The following MAN2B1 variants were observed in gnomAD, a reference collection of about 807,000 sequenced individuals.
The protein encoded by MAN2B1 is mannosidase alpha class 2B member 1.
A neutral mutation model predicts 127.5 loss-of-function variants in MAN2B1; 99 were observed. The ratio of observed to expected loss-of-function variants is 0.78; its 90% CI spans 0.66 to 0.92. The LOEUF is 0.92. Ranked by LOEUF, MAN2B1 falls within the 40% of genes least tolerant of loss-of-function variation. MAN2B1 has a pLI of 0.00. For missense variants in MAN2B1, 1,304 were observed against 1,384.8 expected, an observed-to-expected ratio of 0.94 and a Z score of 0.93; for synonymous variants, 573 against 568.8, an observed-to-expected ratio of 1.01 and a Z score of -0.11.
intron 7 of MAN2B1, 32 bp downstream of exon 7, chr19:12,661,228 G>A: frequency 6.7e-7 from 1 of 1,499,684 alleles, no homozygotes; most frequent in Non-Finnish European, 9.3e-7. Flanking sequence ...GCGCACATGT[G>A]CACAAGGGTA....
chr19:12,646,546 C>A lies in MAN2B1; in HGVS notation c.*74G>T, dbSNP rs1041710709. ...GTAGTAGCGTTTTAATGGCAGCAGC[C>A]CCAAGAGGAGAGTCAGAGTCTGGTC... On this transcript the variant is annotated 3_prime_UTR_variant, in exon 24 of 24. Coordinates refer to ENST00000456935, the MANE Select transcript of MAN2B1 (RefSeq NM_000528.4). The A allele has an allele frequency of 1.1e-5, 13 of 1,147,492 alleles. No individual in the cohort carries two copies. Among genetic ancestry groups the A allele is most frequent in the Non-Finnish European group, 1.6e-5 (12 of 758,238 alleles). 71.1% of individuals were successfully genotyped at this position (1,147,492 alleles called of 1,614,324 possible).
chr19:12,663,911 G>C, intron 4 of MAN2B1, 76 bp from the exon 5 acceptor site: 1 of 1,591,610 alleles, frequency 6.3e-7, no homozygotes, highest in Non-Finnish European at 8.6e-7. Context: ...CTGCTTGGGA[G>C]GGGCAGGTCA....
chr19:12,652,615 C>G (rs1161042528), intron 14 of MAN2B1, among the ~76,000 whole-genome samples, 155 bp from the exon 15 acceptor site: 4 of 151,136 alleles, frequency 2.6e-5, no homozygotes, highest in Admixed American at 6.6e-5. Context: ...CACTGCACCC[C>G]CCACCTCCCG....
chr19:12,666,489 TA>T, intron 1 of MAN2B1, 53 bp downstream of exon 1: 3 of 1,549,252 alleles, frequency 1.9e-6, no homozygotes, highest in Non-Finnish European at 2.6e-6. Flanking sequence ...CTCTAGACTG[TA>T]TTCTGGGTTT....
rs2023979059 is a variant in MAN2B1 at position 12,657,024 on chromosome 19, T to C, written c.1452A>G (p.Arg484=). 3 of 1,612,992 alleles carry C rather than the reference T, an allele frequency of 1.9e-6. No homozygotes were observed. Among genetic ancestry groups the C allele is most frequent in the African/African-American group, 1.3e-5 (1 of 74,918 alleles). The stretch of plus-strand genomic sequence containing the variant: ...AAAAGGTGAAGTGATCTTTGAAGCC[T>C]CTGAGCCGCGCCAGCGCGTTGCTCA... ...VLLSNALARL[R]GFKDHFTFCQ... is the part of the protein sequence containing the mutation. Residue 484 remains arginine, a synonymous_variant, in exon 12 of 24, where the codon AGA becomes AGG. Transcript: ENST00000456935.
intron 21 of MAN2B1, 48 bp downstream of exon 21, chr19:12,648,127 C>T (rs2023738877): frequency 6.7e-7 from 1 of 1,500,880 alleles, no homozygotes; most frequent in African/African-American, 1.4e-5. Context: ...ACCCGGCTCC[C>T]TGGTAGACTT....
chr19:12,663,671 A>G, intron 5 of MAN2B1, 32 bp downstream of exon 5: 1 of 1,590,398 alleles, frequency 6.3e-7, no homozygotes, highest in Non-Finnish European at 8.6e-7. Flanking sequence ...GTGTGGCACC[A>G]TGGCTGGCCC....
Position 12,650,206 on chromosome 19 carries a change from TC to T in MAN2B1, c.2062del (p.Glu688ArgfsTer25). The T allele has an allele frequency of 6.2e-7, 1 of 1,608,262 alleles. No homozygotes were observed. The highest frequency in any genetic ancestry group is 8.5e-7 in the Non-Finnish European group (1 of 1,174,944). On this transcript the variant is annotated frameshift_variant, in exon 17 of 24. Transcript: ENST00000456935. LOFTEE classifies it high-confidence loss of function. ...CCAAGCTGAGAAGTTCTGGTGCACC[TC>T]CTGCACCAAGGGTGTCTGCGGGCAC... ...IHLVKTPLVQ[E>X]VHQNFSAWCS...
intron 16 of MAN2B1, 135 bp from the exon 17 acceptor site, chr19:12,650,357 CTTTTT>C (rs35532533): frequency 1.1e-3 from 534 of 492,226 alleles, no homozygotes; most frequent in Non-Finnish European, 1.3e-3. Flanking sequence ...CCACATAATT[CTTTTT>C]TTTTTTTTTT....
Position 12,664,798 on chromosome 19 carries a change from A to T in MAN2B1, c.624T>A (p.Phe208Leu). The T allele has an allele frequency of 1.2e-6, 2 of 1,613,186 alleles. No homozygotes were observed. The highest frequency in any genetic ancestry group is 1.7e-6 in the Non-Finnish European group (2 of 1,179,790). ...GAGAGGTCCCGGGTCGCACCTGCGC[A>T]AACAGCGAGGCCTGCTCCCGAGAGT... ...FGHSREQASL[F>L]AQMGFDGFFF... is the part of the protein sequence containing the mutation. The change falls in exon 4 of 24, where the codon TTT becomes TTA. Residue 208 changes from phenylalanine (F) to leucine (L), a missense_variant. Phe to Leu is a conservative substitution (Grantham distance 22, BLOSUM62 0). Transcript: ENST00000456935.
rs1369134650 is a variant in MAN2B1 at position 12,665,480 on chromosome 19, G to A, written c.308C>T (p.Ser103Leu). 12 of 1,614,050 alleles carry A rather than the reference G, an allele frequency of 7.4e-6. No homozygotes were observed. The highest frequency in any genetic ancestry group is 1.3e-5 in the African/African-American group (1 of 74,934). ...ATCTGCCAGCAAGGCAGAGATGACC[G>A]AGTCCAGGATGTACTGCACACCGGC... ...QHAGVQYILD[S>L]VISALLADPT... The change falls in exon 3 of 24, where the codon TCG (serine) becomes TTG (leucine). Residue 103 changes from serine to leucine, a missense_variant. Coordinates refer to ENST00000456935, the MANE Select transcript of MAN2B1 (RefSeq NM_000528.4).
Position 12,666,510 on chromosome 19 carries a change from T to C in MAN2B1, c.159+33A>G, listed in dbSNP as rs746422649. On this transcript the variant is annotated intron_variant, in intron 1 of 23. Coordinates refer to ENST00000456935, the MANE Select transcript of MAN2B1 (RefSeq NM_000528.4). ...ACTGTATTCTGGGTTTCACTCTGCC[T>C]CCTGTACGTTTCAGCTCGGAGGCCC... 1.9e-6 allele frequency: 3 copies of C among 1,563,408 alleles called. No homozygotes were observed. In the South Asian group the frequency reaches 3.5e-5, roughly 18 times the overall value.
Position 12,646,691 on chromosome 19 carries a change from T to G in MAN2B1, c.2965A>C (p.Asn989His). ...HQTPYQLDPA[N>H]ITLEPMEIRT... ...ATTTCCATGGGTTCCAGCGTGATGTTGGCCGGGTCCAGCTGGTACGGAGTT... is the reference window on the plus strand; with the variant it reads ...ATTTCCATGGGTTCCAGCGTGATGTGGGCCGGGTCCAGCTGGTACGGAGTT... The change falls in exon 24 of 24, where the codon AAC becomes CAC. Residue 989 changes from asparagine (N) to histidine (H), a missense_variant. Transcript: ENST00000456935. 1.2e-6 allele frequency: 2 copies of G among 1,614,100 alleles called. No homozygotes were observed. The highest frequency in any genetic ancestry group is 1.7e-6 in the Non-Finnish European group (2 of 1,179,994).
intron 4 of MAN2B1, among the ~76,000 whole-genome samples, chr19:12,664,425 T>C (rs1312582150): frequency 6.6e-6 from 1 of 152,104 alleles, no homozygotes; most frequent in African/African-American, 2.4e-5. Context: ...TTCCACAGCC[T>C]GAGGATGGAT....
At chr19:12,664,560 A>C (rs1198411535) in intron 4 of MAN2B1, among the ~76,000 whole-genome samples, 3 of 151,978 alleles carry the variant, frequency 2.0e-5, no homozygotes, top group Admixed American at 6.6e-5. Flanking sequence ...GGGGCCTATT[A>C]GGGGAGAGGG....
At chr19:12,665,289 C>G in intron 3 of MAN2B1, 63 bp downstream of exon 3, 1 of 1,582,574 alleles carries the variant, frequency 6.3e-7, no homozygotes, top group Admixed American at 1.7e-5. Flanking sequence ...TCTCAGAAAC[C>G]AGAGATGCAG....
intron 10 of MAN2B1, 73 bp from the exon 11 acceptor site, chr19:12,657,628 G>C (rs2024000551): frequency 3.1e-6 from 4 of 1,285,036 alleles, no homozygotes; most frequent in Non-Finnish European, 3.3e-6. Flanking sequence ...CGAAAGGTCC[G>C]GTGCTGGCGG....
intron 3 of MAN2B1, 172 bp downstream of exon 3, chr19:12,665,180 C>A: frequency 9.6e-7 from 1 of 1,039,596 alleles, no homozygotes; most frequent in Non-Finnish European, 1.5e-6. Context: ...GGATGCACAG[C>A]AGGTGGGGCT....
chr19:12,650,357 CTTTTTTT>C, intron 16 of MAN2B1, 135 bp from the exon 17 acceptor site: 9 of 493,244 alleles, frequency 1.8e-5, no homozygotes, highest in Non-Finnish European at 3.0e-5. Flanking sequence ...CCACATAATT[CTTTTTTT>C]TTTTTTTTTT....
Sources: allele counts gnomAD v4.1 joint callset (sites outside exome capture counted in the v4.1 genomes callset), GRCh38; gene constraint gnomAD v4.1.1; transcripts MANE v1.5; gene names NCBI Gene and HGNC (gene_info 2026-07-23, HGNC 2026-07-21).